Variants in GGA2 observed in about 807,000 individuals in gnomAD.
GGA2 encodes the protein golgi associated, gamma adaptin ear containing, ARF binding protein 2.
GGA2 carries 48 observed loss-of-function variants against 79.5 expected under a neutral mutation model. The ratio of observed to expected loss-of-function variants is 0.60; its 90% CI spans 0.48 to 0.77. The LOEUF is 0.77. Among genes scored for constraint, GGA2 ranks in the 30% least tolerant of loss-of-function variants. The pLI is 0.00. For synonymous variants in GGA2, 317 were observed against 302.0 expected (o/e 1.05, Z -0.51); for missense variants, 770 against 774.0 (o/e 0.99, Z 0.06).
intron 10 of GGA2, 95 bp from the exon 11 acceptor site, chr16:23,479,982 C>A (rs1204628437): frequency 1.7e-6 from 2 of 1,151,124 alleles, no homozygotes; most frequent in Non-Finnish European, 2.5e-6. Flanking sequence ...ACCTCCTAAT[C>A]AAATGGTAAC....
intron 14 of GGA2, among the ~76,000 whole-genome samples, chr16:23,470,978 C>A (rs1964504294): frequency 6.6e-6 from 1 of 151,748 alleles, no homozygotes; most frequent in Non-Finnish European, 1.5e-5. Context: ...TACAGGCATG[C>A]ACCACCACGC....
rs938026987 is a variant in GGA2, at chr16:23,465,060, G to A, written c.*2530C>T. 1.6e-5 allele frequency: 8 copies of A among 509,342 alleles called. No homozygotes were observed. The East Asian group carries it at 1.7e-4, about 11-fold the overall frequency. 31.6% of individuals were successfully genotyped at this position (509,342 alleles called of 1,614,324 possible). Reference sequence around the variant, plus strand: ...TGGAAAGCACTGGCCATGAGTGCCAGATCTCCAGCACACACATCATGAATT... The same window carrying A: ...TGGAAAGCACTGGCCATGAGTGCCAAATCTCCAGCACACACATCATGAATT... On this transcript the variant is annotated 3_prime_UTR_variant, in exon 17 of 17. Coordinates refer to ENST00000309859, the MANE Select transcript of GGA2 (RefSeq NM_015044.4).
chr16:23,491,110 TGTGTGTGTGTTGGG>T (rs1002991878), intron 5 of GGA2, among the ~76,000 whole-genome samples: 2 of 151,712 alleles, frequency 1.3e-5, no homozygotes, highest in Non-Finnish European at 2.9e-5. Context: ...TGTGTGTTTG[TGTGTGTGTGTTGGG>T]GTGTGGGTGG....
At chr16:23,503,170 T>C (rs1463356437) in intron 1 of GGA2, among the ~76,000 whole-genome samples, 1 of 152,252 alleles carries the variant, frequency 6.6e-6, no homozygotes, top group African/African-American at 2.4e-5. Flanking sequence ...GCTTTCACAA[T>C]ACAGTGGTTT....
chr16:23,474,917 C>G lies in GGA2; in HGVS notation c.1437G>C (p.Glu479Asp), dbSNP rs145747722. 1 of 1,611,620 alleles carries G rather than the reference C, an allele frequency of 6.2e-7. No homozygotes were observed. The highest frequency in any genetic ancestry group is 8.5e-7 in the Non-Finnish European group (1 of 1,177,966). Residue 479 changes from glutamate (E) to aspartate (D), a missense_variant, in exon 14 of 17, where the codon GAG becomes GAC. By Grantham distance (45) the Glu-to-Asp change is conservative. Transcript: ENST00000309859. ...TPLAQVFVPL[E>D]SVKPSSLPPL... is the part of the protein sequence containing the mutation. ...AATTGTACTTACTGGGCTTAACAGACTCCAAAGGGACAAACACTTGAGCCA... is the reference window on the plus strand; with the variant it reads ...AATTGTACTTACTGGGCTTAACAGAGTCCAAAGGGACAAACACTTGAGCCA...
In GGA2 at chr16:23,468,109, CTTTTT is replaced by C. The variant is rs545378314; in HGVS notation, c.1732-414_1732-410del. Among the ~76,000 whole-genome samples the C allele has an allele frequency of 7.8e-3, 1,175 of 149,830 alleles. 14 individuals are homozygous for C. The highest frequency in any genetic ancestry group is 0.028 in the African/African-American group (1,106 of 39,696). On this transcript the variant is annotated intron_variant, in intron 16 of 16. Transcript: ENST00000309859. Reference sequence around the variant, plus strand: ...CCAAACCAGAGACTGACTTTCTTTTCTTTTTCTCTTCTCCTTCCTTCCTTTCCTCC... The same window carrying C: ...CCAAACCAGAGACTGACTTTCTTTTCCTCTTCTCCTTCCTTCCTTTCCTCC...
chr16:23,524,316 G>C, upstream of GGA2: 1 of 1,521,748 alleles, frequency 6.6e-7, no homozygotes, highest in Non-Finnish European at 9.1e-7. Flanking sequence ...TCTGAAAGCT[G>C]TTTCTAAGCT....
chr16:23,488,746 G>T, intron 5 of GGA2, 37 bp from the exon 6 acceptor site: 1 of 1,142,094 alleles, frequency 8.8e-7, no homozygotes, highest in Non-Finnish European at 1.3e-6. Context: ...ACACCGATAT[G>T]GTACCCAGAA....
chr16:23,494,386 G>A lies in GGA2; in HGVS notation c.177-8C>T. Reference sequence around the variant, plus strand: ...CAGGGCGCATGTGTGGGGCTACAGGGAAACAAAAAGACCTAGACTCTGGGC... The same window carrying A: ...CAGGGCGCATGTGTGGGGCTACAGGAAAACAAAAAGACCTAGACTCTGGGC... On this transcript the variant is annotated splice_polypyrimidine_tract_variant and splice_region_variant and intron_variant, in intron 2 of 16. Coordinates refer to ENST00000309859, the MANE Select transcript of GGA2 (RefSeq NM_015044.4). The A allele has an allele frequency of 6.3e-7, 1 of 1,588,240 alleles. No individual in the cohort carries two copies.
At chr16:23,501,551 A>T (rs1964922053) in intron 1 of GGA2, 1 of 336,784 alleles carries the variant, frequency 3.0e-6, no homozygotes, top group African/African-American at 2.1e-5. Flanking sequence ...TAAAGCACAG[A>T]AACTGGAGGC....
intron 1 of GGA2, among the ~76,000 whole-genome samples, chr16:23,509,351 A>T (rs1473292341): frequency 1.3e-5 from 2 of 152,092 alleles, no homozygotes; most frequent in East Asian, 3.9e-4. Flanking sequence ...TTGCACACGC[A>T]GTTTCTTCTG....
intron 2 of GGA2, among the ~76,000 whole-genome samples, chr16:23,519,187 T>C (rs780140247): frequency 6.6e-6 from 1 of 151,862 alleles, no homozygotes; most frequent in Non-Finnish European, 1.5e-5. Context: ...GGATTACAGG[T>C]GTGCATCACT....
chr16:23,512,216 C>A (rs1048420043), upstream of GGA2, among the ~76,000 whole-genome samples: 1 of 152,188 alleles, frequency 6.6e-6, no homozygotes, highest in African/African-American at 2.4e-5. Flanking sequence ...AGGAGGACCA[C>A]TACCATTTGT....
chr16:23,507,889 G>C (rs561369035), intron 1 of GGA2, among the ~76,000 whole-genome samples: 6 of 152,008 alleles, frequency 3.9e-5, no homozygotes, highest in Non-Finnish European at 8.8e-5. Context: ...GCCCAGGAGA[G>C]GGGTAAGCTG....
intron 11 of GGA2, 126 bp from the exon 12 acceptor site, chr16:23,479,037 G>C: frequency 1.4e-6 from 1 of 713,734 alleles, no homozygotes; most frequent in Middle Eastern, 2.3e-4. Context: ...CTTACTGAAG[G>C]TCATGTGACT....
upstream of GGA2, among the ~76,000 whole-genome samples, chr16:23,512,679 C>CA (rs543813204): frequency 3.4e-3 from 485 of 141,252 alleles, 3 homozygotes; most frequent in Non-Finnish European, 6.0e-3. Context: ...CCAGTTTCCT[C>CA]ATTAAGGAGT....
At chr16:23,494,018 C>A in intron 3 of GGA2, 2 of 457,318 alleles carry the variant, frequency 4.4e-6, no homozygotes, top group South Asian at 5.6e-5. Flanking sequence ...CTAGAAAAGG[C>A]ACATGAACTT....
At chr16:23,521,405 T>C (rs1488076681) in intron 1 of GGA2, among the ~76,000 whole-genome samples, 1 of 147,164 alleles carries the variant, frequency 6.8e-6, no homozygotes, top group East Asian at 1.9e-4. Flanking sequence ...TTTTATTCAT[T>C]TTTTTTTTTT....
chr16:23,492,509 A>C (rs1319820970), intron 4 of GGA2, among the ~76,000 whole-genome samples: 1 of 152,230 alleles, frequency 6.6e-6, no homozygotes, highest in Non-Finnish European at 1.5e-5. Context: ...GAAAACACTG[A>C]AACAAGGAAG....
Sources: gnomAD v4.1 joint callset for allele counts (sites outside exome capture counted in the v4.1 genomes callset) on GRCh38, gnomAD v4.1.1 for gene constraint, MANE v1.5 for transcripts, NCBI Gene and HGNC (gene_info 2026-07-23, HGNC 2026-07-21) for gene names.